Variants in PDSS1 observed in about 807,000 individuals in gnomAD.
PDSS1 encodes all trans-polyprenyl-diphosphate synthase PDSS1.
A neutral mutation model predicts 57.5 loss-of-function variants in PDSS1; 43 were observed. The ratio of observed to expected loss-of-function variants is 0.75; its 90% CI spans 0.59 to 0.96. PDSS1 has a LOEUF of 0.96. Among genes scored for constraint, PDSS1 ranks in the 50% least tolerant of loss-of-function variants. The probability of loss-of-function intolerance (pLI) is 0.00; values close to 1 mark genes in which losing one functional copy is unlikely to be tolerated. For synonymous variants in PDSS1, 175 were observed against 191.3 expected (o/e 0.91, Z 0.70); for missense variants, 438 against 527.8 (o/e 0.83, Z 1.67).
In PDSS1 at chr10:26,728,395, C is replaced by A. The variant is rs12354427; in HGVS notation, c.831+4272C>A. 3.1e-3 allele frequency among the ~76,000 whole-genome samples: 470 copies of A among 152,062 alleles called. 2 individuals are homozygous for A. The highest frequency in any genetic ancestry group is 6.8e-3 in the Middle Eastern group (2 of 294). ...ATCCCAGCTACTCTGGAGGCTGATA[C>A]AGGAGAATTGCTTGAATCCGGGAGG... is the stretch of plus-strand genomic sequence containing the variant. On this transcript the variant is annotated intron_variant, in intron 8 of 11. Coordinates refer to ENST00000376215, the MANE Select transcript of PDSS1 (RefSeq NM_014317.5).
intron 6 of PDSS1, among the ~76,000 whole-genome samples, chr10:26,722,733 C>G (rs1182075320): frequency 6.6e-6 from 1 of 151,424 alleles, no homozygotes; most frequent in Non-Finnish European, 1.5e-5. Context: ...TAATATATAT[C>G]TTTAAATATG....
intron 10 of PDSS1, among the ~76,000 whole-genome samples, chr10:26,737,961 A>G (rs1208965836): frequency 6.6e-6 from 1 of 152,184 alleles, no homozygotes; most frequent in Non-Finnish European, 1.5e-5. Context: ...CCAAGCAGGA[A>G]GTGACTCTGG....
intron 5 of PDSS1, chr10:26,714,806 G>C (rs1028179525): frequency 2.6e-5 from 4 of 152,216 alleles, no homozygotes; most frequent in Non-Finnish European, 5.9e-5. Flanking sequence ...TTTCAAAGCT[G>C]AACTAGATGT....
chr10:26,746,388 T>C lies in PDSS1; in HGVS notation c.1163T>C (p.Ile388Thr). 6.2e-7 allele frequency: 1 copy of C among 1,613,964 alleles called. No homozygotes were observed. The highest frequency in any genetic ancestry group is 8.5e-7 in the Non-Finnish European group (1 of 1,179,876). The change falls in exon 12 of 12, where the codon ATA becomes ACA. Residue 388 changes from isoleucine to threonine, a missense_variant. Ile to Thr is a moderately conservative substitution (Grantham distance 89). Coordinates refer to ENST00000376215, the MANE Select transcript of PDSS1 (RefSeq NM_014317.5). Reference protein sequence around the residue: ...YLAQQYCHEAIREISKLRPSP... With the variant: ...YLAQQYCHEATREISKLRPSP... ...GCCCAGCAGTACTGCCATGAAGCAA[T>C]AAGAGAGATCAGTAAACTTCGACCA...
At chr10:26,709,043 A>T (rs1748358) in intron 4 of PDSS1, among the ~76,000 whole-genome samples, 2 of 151,646 alleles carry the variant, frequency 1.3e-5, no homozygotes, top group Admixed American at 1.3e-4. Context: ...GCTTTCTTCC[A>T]CCTCCTGCTG....
chr10:26,736,601 A>G (rs1836411737), intron 10 of PDSS1, among the ~76,000 whole-genome samples: 1 of 152,070 alleles, frequency 6.6e-6, no homozygotes, highest in South Asian at 2.1e-4. Context: ...TTCACCCACT[A>G]TCTAGCATAG....
intron 4 of PDSS1, among the ~76,000 whole-genome samples, chr10:26,708,456 C>G (rs1835314144): frequency 6.6e-6 from 1 of 152,216 alleles, no homozygotes; most frequent in East Asian, 1.9e-4. Flanking sequence ...TGATCTCTTC[C>G]TTCCCTGAAC....
chr10:26,744,597 G>C (rs1260384012), intron 11 of PDSS1, among the ~76,000 whole-genome samples: 1 of 151,976 alleles, frequency 6.6e-6, no homozygotes, highest in Non-Finnish European at 1.5e-5. Context: ...CACCATGTTG[G>C]CCATTATGGT....
chr10:26,728,665 AT>A (rs548989225), intron 8 of PDSS1, among the ~76,000 whole-genome samples: 1 of 148,284 alleles, frequency 6.7e-6, no homozygotes, highest in African/African-American at 2.5e-5. Context: ...TTGGTATCCT[AT>A]TTTTTTTGTT....
At chr10:26,745,845 CAAAAAAA>C (rs556874205) in intron 11 of PDSS1, among the ~76,000 whole-genome samples, 3 of 136,776 alleles carry the variant, frequency 2.2e-5, no homozygotes, top group East Asian at 4.2e-4. Context: ...GACCCTGTCT[CAAAAAAA>C]AAGAAAAAAG....
At position 26,723,793 on chromosome 10, in the gene PDSS1, T is replaced by C. The variant is rs1835862525; in HGVS notation, c.610-13T>C. ...TTTTCAGAACGTTCTGTTTTCCCCCTGTCTTTTTCTAGGCTGTTCTTGCTG... is the reference window on the plus strand; with the variant it reads ...TTTTCAGAACGTTCTGTTTTCCCCCCGTCTTTTTCTAGGCTGTTCTTGCTG... On this transcript the variant is annotated splice_polypyrimidine_tract_variant and intron_variant, in intron 6 of 11. Coordinates refer to ENST00000376215, the MANE Select transcript of PDSS1 (RefSeq NM_014317.5). 1.3e-6 allele frequency: 2 copies of C among 1,566,902 alleles called. No homozygotes were observed. The highest frequency in any genetic ancestry group is 1.7e-5 in the Admixed American group (1 of 59,938).
intron 8 of PDSS1, among the ~76,000 whole-genome samples, chr10:26,729,507 G>A (rs1836089778): frequency 6.6e-6 from 1 of 152,086 alleles, no homozygotes; most frequent in Non-Finnish European, 1.5e-5. Flanking sequence ...TTCCATATTT[G>A]TAACCCCCTT....
At chr10:26,734,385 C>T (rs1199790807) in intron 8 of PDSS1, among the ~76,000 whole-genome samples, 1 of 152,194 alleles carries the variant, frequency 6.6e-6, no homozygotes, top group Non-Finnish European at 1.5e-5. Context: ...GAACACAGAC[C>T]GTCTCTCCCC....
At chr10:26,746,030 C>G (rs184722625) in intron 11 of PDSS1, among the ~76,000 whole-genome samples, 2 of 151,886 alleles carry the variant, frequency 1.3e-5, no homozygotes, top group Non-Finnish European at 2.9e-5. Flanking sequence ...ATACTTTGTA[C>G]ATAGAACTTC....
At chr10:26,704,262 G>T (rs1780194) in intron 2 of PDSS1, among the ~76,000 whole-genome samples, 108,238 of 151,566 alleles carry the variant, frequency 0.71, 39,010 homozygotes, top group East Asian at 0.97. Flanking sequence ...ATTTCCAAAG[G>T]ATGTTGAGGA....
intron 10 of PDSS1, 56 bp from the exon 11 acceptor site, chr10:26,742,441 G>A: frequency 1.6e-6 from 2 of 1,273,926 alleles, no homozygotes; most frequent in East Asian, 4.6e-5. Flanking sequence ...TAGAACACTT[G>A]TTTCTCCCAA....
At chr10:26,738,018 A>G (rs994955831) in intron 10 of PDSS1, among the ~76,000 whole-genome samples, 30 of 152,362 alleles carry the variant, frequency 2.0e-4, no homozygotes, top group African/African-American at 7.2e-4. Context: ...CTTGTGGCAC[A>G]TGGGCCAGAA....
intron 6 of PDSS1, among the ~76,000 whole-genome samples, chr10:26,723,362 T>G (rs752146689): frequency 1.3e-4 from 20 of 152,132 alleles, no homozygotes; most frequent in Non-Finnish European, 2.8e-4. Flanking sequence ...AGCTGCATTT[T>G]GGTGGGGCTG....
intron 5 of PDSS1, among the ~76,000 whole-genome samples, chr10:26,713,815 ATGGTTGGTACC>A (rs996631755): frequency 1.3e-5 from 2 of 152,166 alleles, no homozygotes; most frequent in Non-Finnish European, 2.9e-5. Context: ...TGTACCAGGT[ATGGTTGGTACC>A]TGTTGGCCTT....
Sources: gnomAD v4.1 joint callset for allele counts (sites outside exome capture counted in the v4.1 genomes callset) on GRCh38, gnomAD v4.1.1 for gene constraint, MANE v1.5 for transcripts, NCBI Gene and HGNC (gene_info 2026-07-23, HGNC 2026-07-21) for gene names.